The following TMEM178B variants were observed in gnomAD, a reference collection of about 807,000 sequenced individuals.
TMEM178B encodes transmembrane protein 178B.
In TMEM178B, 5 loss-of-function variants were observed where a neutral mutation model predicts 31.0. The observed-to-expected ratio is 0.16, with a 90% CI of 0.08 to 0.34. The LOEUF is 0.34. Among genes scored for constraint, TMEM178B ranks in the 10% least tolerant of loss-of-function variants. The pLI, the probability that TMEM178B is intolerant of heterozygous loss-of-function variation, is 1.00. For missense variants in TMEM178B, 275 were observed against 400.3 expected, an observed-to-expected ratio of 0.69 and a Z score of 2.67; for synonymous variants, 164 against 164.0, an observed-to-expected ratio of 1.00 and a Z score of 0.00.
chr7:141,128,091 T>A (rs1408582523), intron 1 of TMEM178B, among the ~76,000 whole-genome samples: 1 of 152,144 alleles, frequency 6.6e-6, no homozygotes, highest in Non-Finnish European at 1.5e-5. Flanking sequence ...ACTGATAAGG[T>A]GAGCATATAA....
intron 2 of TMEM178B, among the ~76,000 whole-genome samples, chr7:141,255,508 T>A (rs1195151232): frequency 1.3e-5 from 2 of 152,240 alleles, no homozygotes; most frequent in African/African-American, 4.8e-5. Context: ...TGCCAAAACC[T>A]AGTTACCACT....
intron 1 of TMEM178B, among the ~76,000 whole-genome samples, chr7:141,128,265 G>A (rs927876046): frequency 3.9e-5 from 6 of 152,152 alleles, no homozygotes; most frequent in Non-Finnish European, 8.8e-5. Flanking sequence ...TCAGTATTAA[G>A]TCAGGAATAA....
chr7:141,203,985 A>C (rs1470168080), intron 1 of TMEM178B, among the ~76,000 whole-genome samples: 1 of 152,224 alleles, frequency 6.6e-6, no homozygotes, highest in Non-Finnish European at 1.5e-5. Flanking sequence ...AGAACCAAAA[A>C]GGAAGAGAAA....
At position 141,457,587 on chromosome 7, in the gene TMEM178B, G is replaced by A. The variant is rs186908761; in HGVS notation, c.635-12949G>A. ...CCAAAGGAAGAAAGAAGGAGTGTAT[G>A]CTATGTAGATTAAAACTAATAAAAA... is the stretch of plus-strand genomic sequence containing the variant. On this transcript the variant is annotated intron_variant, in intron 3 of 3. Transcript: ENST00000565468. Among the ~76,000 whole-genome samples the A allele has an allele frequency of 3.6e-3, 555 of 152,266 alleles. 7 individuals carry two copies. Among genetic ancestry groups the A allele is most frequent in the African/African-American group, 0.012 (517 of 41,552 alleles).
chr7:141,425,848 G>A (rs1801305336), intron 2 of TMEM178B, among the ~76,000 whole-genome samples: 1 of 152,160 alleles, frequency 6.6e-6, no homozygotes, highest in Non-Finnish European at 1.5e-5. Flanking sequence ...GACTGAGGAG[G>A]AGGAAGTGTC....
At chr7:141,222,624 G>A (rs1797274500) in intron 2 of TMEM178B, among the ~76,000 whole-genome samples, 1 of 152,190 alleles carries the variant, frequency 6.6e-6, no homozygotes, top group East Asian at 1.9e-4. Flanking sequence ...GGAGCTGGGG[G>A]GAATGCCTCT....
intron 3 of TMEM178B, among the ~76,000 whole-genome samples, chr7:141,444,155 A>G (rs1292165259): frequency 1.3e-5 from 2 of 152,172 alleles, no homozygotes; most frequent in Non-Finnish European, 2.9e-5. Context: ...AAACCAAGAT[A>G]TGGGTGATTG....
intron 1 of TMEM178B, among the ~76,000 whole-genome samples, chr7:141,137,735 C>T (rs1042848336): frequency 7.9e-5 from 12 of 152,058 alleles, no homozygotes; most frequent in Admixed American, 7.9e-4. Flanking sequence ...CCTAAATACC[C>T]TCATGTGATC....
intron 2 of TMEM178B, among the ~76,000 whole-genome samples, chr7:141,231,469 G>A (rs1797442545): frequency 6.6e-6 from 1 of 152,122 alleles, no homozygotes; most frequent in Admixed American, 6.6e-5. Flanking sequence ...AAAAAAAATT[G>A]CTGATGCCTC....
intron 1 of TMEM178B, among the ~76,000 whole-genome samples, chr7:141,210,741 TG>T (rs1797040254): frequency 2.0e-5 from 3 of 151,874 alleles, no homozygotes; most frequent in Admixed American, 2.0e-4. Flanking sequence ...TAAGTAAAGT[TG>T]GAAACCAGTG....
chr7:141,287,481 T>C (rs937958787), intron 2 of TMEM178B, among the ~76,000 whole-genome samples: 2 of 152,212 alleles, frequency 1.3e-5, no homozygotes, highest in Admixed American at 6.5e-5. Context: ...TAGTTGTCCC[T>C]CTTAAAATAT....
intron 2 of TMEM178B, among the ~76,000 whole-genome samples, chr7:141,305,307 A>G (rs1265966749): frequency 6.6e-6 from 1 of 152,222 alleles, no homozygotes; most frequent in East Asian, 1.9e-4. Context: ...CTGGGGGCTG[A>G]GCACTGTTAT....
intron 2 of TMEM178B, among the ~76,000 whole-genome samples, chr7:141,252,201 A>G (rs1049952994): frequency 2.0e-5 from 3 of 152,128 alleles, no homozygotes; most frequent in Non-Finnish European, 4.4e-5. Context: ...ACTAGCTGGT[A>G]TGGGGCAGGT....
intron 1 of TMEM178B, among the ~76,000 whole-genome samples, chr7:141,180,636 G>T (rs1322027942): frequency 6.6e-6 from 1 of 152,060 alleles, no homozygotes; most frequent in Non-Finnish European, 1.5e-5. Flanking sequence ...TAGACTTATT[G>T]TATCACATAA....
intron 3 of TMEM178B, among the ~76,000 whole-genome samples, chr7:141,448,416 A>C (rs1439014063): frequency 1.3e-5 from 2 of 152,178 alleles, no homozygotes; most frequent in Admixed American, 1.3e-4. Flanking sequence ...TGGCAACAGC[A>C]AGGTGAAGAT....
Position 141,261,774 on chromosome 7 carries a change from C to T in TMEM178B, c.496+49070C>T, listed in dbSNP as rs538664960. ...GAAAAGAAGTGGGAGACAGGGAGTGCGTGCTCTGTCTGTTGCAGCTGCCTT... is the reference window on the plus strand; with the variant it reads ...GAAAAGAAGTGGGAGACAGGGAGTGTGTGCTCTGTCTGTTGCAGCTGCCTT... On this transcript the variant is annotated intron_variant, in intron 2 of 3. Coordinates refer to ENST00000565468, the MANE Select transcript of TMEM178B (RefSeq NM_001195278.2). 9.7e-4 allele frequency among the ~76,000 whole-genome samples: 148 copies of T among 152,216 alleles called. No individual in the cohort carries two copies. In the Middle Eastern group the frequency reaches 0.01, roughly 10 times the overall value.
At chr7:141,120,798 A>AT (rs1351413350) in intron 1 of TMEM178B, among the ~76,000 whole-genome samples, 17 of 149,180 alleles carry the variant, frequency 1.1e-4, no homozygotes, top group African/African-American at 4.2e-4. Flanking sequence ...TCTACAAAAA[A>AT]TAAAAATAAA....
rs566909517 is a variant in TMEM178B, at chr7:141,278,507, C to G, written c.496+65803C>G. On this transcript the variant is annotated intron_variant, in intron 2 of 3. Transcript: ENST00000565468. ...CTGAGGCAGGAGAATTGCTTGAACT[C>G]GGGAGGCGGAGGTTGTAGCGAGCCA... 1.9e-4 allele frequency among the ~76,000 whole-genome samples: 28 copies of G among 150,884 alleles called. 1 individual carries two copies. In the South Asian group the frequency reaches 5.3e-3, roughly 29 times the overall value.
intron 1 of TMEM178B, among the ~76,000 whole-genome samples, chr7:141,161,571 C>A (rs970721206): frequency 6.6e-6 from 1 of 152,080 alleles, no homozygotes; most frequent in South Asian, 2.1e-4. Flanking sequence ...TGTGACCATG[C>A]GCAGGAAGGC....
Sources: gnomAD v4.1 joint callset for allele counts (sites outside exome capture counted in the v4.1 genomes callset) on GRCh38, gnomAD v4.1.1 for gene constraint, MANE v1.5 for transcripts, NCBI Gene and HGNC (gene_info 2026-07-23, HGNC 2026-07-21) for gene names.